APLP2: variants seen among roughly 807,000 people sequenced by gnomAD.
APLP2 encodes the protein CDEI box-binding protein.
In APLP2, 53 loss-of-function variants were observed where a neutral mutation model predicts 89.9. That is an observed-to-expected ratio of 0.59 (90% CI 0.47 to 0.74). The LOEUF (loss-of-function observed/expected upper bound fraction) is 0.74. Ranked by LOEUF, APLP2 falls within the 30% of genes least tolerant of loss-of-function variation. The probability of loss-of-function intolerance (pLI) is 0.00; values close to 1 mark genes in which losing one functional copy is unlikely to be tolerated. For missense variants in APLP2, 973 were observed against 975.9 expected (o/e 1.00, Z 0.04); for synonymous variants, 372 against 348.6 (o/e 1.07, Z -0.75).
chr11:130,076,039 A>G (rs895488429), intron 1 of APLP2, among the ~76,000 whole-genome samples: 1 of 152,102 alleles, frequency 6.6e-6, no homozygotes, highest in Non-Finnish European at 1.5e-5. Flanking sequence ...GCATCATTCA[A>G]ATGATATTCA....
intron 2 of APLP2, among the ~76,000 whole-genome samples, 198 bp from the exon 3 acceptor site, chr11:130,110,340 A>C (rs1459406794): frequency 6.6e-6 from 1 of 152,280 alleles, no homozygotes; most frequent in East Asian, 1.9e-4. Context: ...GGAAGTGTTC[A>C]GAAATCTAAC....
chr11:130,143,511 C>T lies in APLP2; in HGVS notation c.*63C>T, dbSNP rs890664942. The T allele has an allele frequency of 1.3e-5, 18 of 1,394,460 alleles. No homozygotes were observed. In the Admixed American group the frequency reaches 1.3e-4, roughly 10 times the overall value. The allele number at this position is 1,394,460 out of a possible 1,614,324, so 86.4% of individuals were successfully genotyped here. On this transcript the variant is annotated 3_prime_UTR_variant, in exon 17 of 17. Transcript: ENST00000338167. Reference sequence around the variant, plus strand: ...GGTGGGCCGGAAGATCCCACGATTCCGATCGACTGCCAAGCAGCAGCCGCT... The same window carrying T: ...GGTGGGCCGGAAGATCCCACGATTCTGATCGACTGCCAAGCAGCAGCCGCT...
intron 8 of APLP2, 131 bp downstream of exon 8, chr11:130,126,961 A>T (rs565296110): frequency 1.6e-6 from 2 of 1,239,432 alleles, no homozygotes; most frequent in Non-Finnish European, 2.3e-6. Context: ...GTCAGGAGAG[A>T]GTTACCAGTG....
intron 1 of APLP2, among the ~76,000 whole-genome samples, chr11:130,092,582 G>A (rs1237575017): frequency 6.1e-5 from 9 of 148,598 alleles, no homozygotes; most frequent in African/African-American, 1.8e-4. Context: ...GTGGCGGCGC[G>A]TGCCTGCAAT....
Position 130,123,744 on chromosome 11 carries a change from C to T in APLP2, c.1055C>T (p.Ser352Phe), listed in dbSNP as rs1482525464. The T allele has an allele frequency of 6.2e-7, 1 of 1,614,256 alleles. No individual in the cohort carries two copies. Among genetic ancestry groups the T allele is most frequent in the African/African-American group, 1.3e-5 (1 of 75,074 alleles). The change falls in exon 7 of 17, where the codon TCT becomes TTT. Residue 352 changes from serine to phenylalanine, a missense_variant. Transcript: ENST00000338167. This position sits in a 1 kb window ranked among gnomAD's most constrained non-coding sequence, Gnocchi z 4.0. Reference protein sequence around the residue: ...GCGGNRNNFESEDYCMAVCKA... With the variant: ...GCGGNRNNFEFEDYCMAVCKA... ...GGCGGCAACAGGAACAATTTTGAGT[C>T]TGAGGATTATTGTATGGCTGTGTGT...
intron 1 of APLP2, among the ~76,000 whole-genome samples, chr11:130,101,703 A>G (rs751684908): frequency 4.6e-5 from 7 of 152,236 alleles, no homozygotes; most frequent in East Asian, 3.8e-4. Context: ...CAAAAATACT[A>G]CAAGAGTTCC....
chr11:130,077,981 T>C (rs1264536796), intron 1 of APLP2, among the ~76,000 whole-genome samples: 1 of 152,188 alleles, frequency 6.6e-6, no homozygotes, highest in Non-Finnish European at 1.5e-5. Context: ...CTCAGTGTGT[T>C]TTTGTAAATG....
intron 1 of APLP2, chr11:130,102,056 A>G (rs1591796419): frequency 8.9e-6 from 4 of 449,130 alleles, no homozygotes; most frequent in Non-Finnish European, 1.8e-5. Context: ...TTTTGTAGCT[A>G]ATATCTTTGG....
chr11:130,073,788 C>T (rs1941595943), intron 1 of APLP2, among the ~76,000 whole-genome samples: 1 of 152,136 alleles, frequency 6.6e-6, no homozygotes, highest in Non-Finnish European at 1.5e-5. Flanking sequence ...GCCGAGATCA[C>T]ACCACTGCAC....
At chr11:130,100,124 T>A (rs1946711584) in intron 1 of APLP2, 1 of 152,254 alleles carries the variant, frequency 6.6e-6, no homozygotes, top group South Asian at 2.1e-4. Context: ...GTTATTATTG[T>A]CATTACCTTA....
At chr11:130,143,232 C>T in intron 16 of APLP2, 115 bp from the exon 17 acceptor site, 3 of 912,728 alleles carry the variant, frequency 3.3e-6, no homozygotes, top group South Asian at 2.7e-5. Flanking sequence ...TGGGAACGGG[C>T]TGCTGGCTGC....
intron 3 of APLP2, among the ~76,000 whole-genome samples, chr11:130,112,886 C>G (rs945946402): frequency 6.6e-6 from 1 of 152,208 alleles, no homozygotes; most frequent in East Asian, 1.9e-4. Context: ...TCAGCATCGA[C>G]CACCCCAGGG....
rs188363928 is a variant in APLP2, at chr11:130,140,849, G to T, written c.1923+366G>T. On this transcript the variant is annotated intron_variant, in intron 14 of 16. Transcript: ENST00000338167. Reference sequence around the variant, plus strand: ...GTTTATACCCCCTTTTATTCACCTAGTATTTTCTGTCATTTATAGTTCTGG... The same window carrying T: ...GTTTATACCCCCTTTTATTCACCTATTATTTTCTGTCATTTATAGTTCTGG... 872 of 157,556 alleles carry T rather than the reference G, an allele frequency of 5.5e-3. 8 individuals carry two copies. Among genetic ancestry groups the T allele is most frequent in the African/African-American group, 0.02 (833 of 41,356 alleles). The allele number at this position is 157,556 out of a possible 1,614,324, so 9.8% of individuals were successfully genotyped here. A position where few individuals can be genotyped will look rare whatever the true frequency, so the allele number is the denominator to read the frequency against.
At chr11:130,081,371 A>T (rs1296192223) in intron 1 of APLP2, among the ~76,000 whole-genome samples, 4 of 152,154 alleles carry the variant, frequency 2.6e-5, no homozygotes. Context: ...TTGCATAGGG[A>T]TGTTGCCTAC....
intron 1 of APLP2, among the ~76,000 whole-genome samples, chr11:130,098,846 A>C (rs1363835207): frequency 6.6e-6 from 1 of 152,186 alleles, no homozygotes; most frequent in African/African-American, 2.4e-5. Context: ...ATTCTACAGA[A>C]AACCCTTCAT....
At chr11:130,127,064 CT>C (rs34915276) in intron 8 of APLP2, among the ~76,000 whole-genome samples, 8,911 of 127,192 alleles carry the variant, frequency 0.07, 353 homozygotes, top group African/African-American at 0.15. Flanking sequence ...ATTATCTGCC[CT>C]TTTTTTTTTT....
At chr11:130,111,678 C>T (rs994789457) in intron 3 of APLP2, among the ~76,000 whole-genome samples, 2 of 152,066 alleles carry the variant, frequency 1.3e-5, no homozygotes, top group Non-Finnish European at 2.9e-5. Flanking sequence ...GCAAGAGGGG[C>T]GTCATGTGTG....
chr11:130,083,261 C>T (rs1318200365), intron 1 of APLP2, among the ~76,000 whole-genome samples: 1 of 151,944 alleles, frequency 6.6e-6, no homozygotes, highest in Non-Finnish European at 1.5e-5. Context: ...TGGTCCTGAA[C>T]TCGTGGCCTC....
intron 4 of APLP2, 93 bp from the exon 5 acceptor site, chr11:130,121,520 TG>T: frequency 7.2e-7 from 1 of 1,380,662 alleles, no homozygotes; most frequent in Non-Finnish European, 9.5e-7. Flanking sequence ...CTAAGTGATT[TG>T]ATAAGGGTTT....
Sources: gnomAD v4.1 joint callset for allele counts (sites outside exome capture counted in the v4.1 genomes callset) on GRCh38, gnomAD v4.1.1 for gene constraint, Gnocchi (gnomAD v3.1) non-coding constraint, MANE v1.5 for transcripts, NCBI Gene and HGNC (gene_info 2026-07-23, HGNC 2026-07-21) for gene names.